The following ATP8B4 variants were observed in gnomAD, a reference collection of about 807,000 sequenced individuals.
ATP8B4 encodes the protein ATPase phospholipid transporting 8B4 (putative).
ATP8B4 carries 133 observed loss-of-function variants against 145.6 expected under a neutral mutation model. The observed-to-expected ratio is 0.91, with a 90% CI of 0.79 to 1.05. ATP8B4 has a LOEUF of 1.05. Ranked by LOEUF, ATP8B4 falls within the 50% of genes least tolerant of loss-of-function variation. The pLI, the probability that ATP8B4 is intolerant of heterozygous loss-of-function variation, is 0.00. For synonymous variants in ATP8B4, 507 were observed against 492.9 expected (o/e 1.03, Z -0.38); for missense variants, 1,458 against 1,425.2 (o/e 1.02, Z -0.37).
At chr15:49,868,523 G>C (rs938351372) in intron 25 of ATP8B4, among the ~76,000 whole-genome samples, 1 of 152,142 alleles carries the variant, frequency 6.6e-6, no homozygotes, top group Non-Finnish European at 1.5e-5. Flanking sequence ...AATGATTCTT[G>C]TAAATAGTTA....
intron 3 of ATP8B4, among the ~76,000 whole-genome samples, chr15:50,073,094 T>C (rs1300462195): frequency 2.0e-5 from 3 of 148,416 alleles, no homozygotes; most frequent in Admixed American, 1.3e-4. Flanking sequence ...TGTATATATA[T>C]GTGTGTGTGT....
chr15:50,071,387 T>C (rs904638218), intron 3 of ATP8B4, among the ~76,000 whole-genome samples: 9 of 152,202 alleles, frequency 5.9e-5, no homozygotes, highest in Admixed American at 5.9e-4. Context: ...GAAAAGAGCG[T>C]ATCACTTTAC....
intron 2 of ATP8B4, among the ~76,000 whole-genome samples, chr15:50,079,794 T>C (rs2054425532): frequency 6.6e-6 from 1 of 152,238 alleles, no homozygotes; most frequent in Non-Finnish European, 1.5e-5. Flanking sequence ...CTAATCATTC[T>C]TATTTCTATC....
chr15:49,962,676 T>C (rs1172977533), intron 13 of ATP8B4, among the ~76,000 whole-genome samples: 6 of 152,226 alleles, frequency 3.9e-5, no homozygotes, highest in Admixed American at 3.9e-4. Context: ...AATGATTTTA[T>C]TGTGTATTTT....
rs538126508 is a variant in ATP8B4, at chr15:50,088,885, A to T, written c.29-14700T>A. On this transcript the variant is annotated intron_variant, in intron 2 of 27. Coordinates refer to ENST00000284509, the MANE Select transcript of ATP8B4 (RefSeq NM_024837.4). ...GAATGGATAGATAAATCAATAAGTG[A>T]ATGAATGGTTTCTCAAAGATCAGAT... Among the ~76,000 whole-genome samples the T allele has an allele frequency of 2.6e-5, 4 of 152,304 alleles. No individual in the cohort carries two copies. In the East Asian group the frequency reaches 5.8e-4, roughly 22 times the overall value.
At chr15:50,060,797 C>T (rs148735104) in intron 3 of ATP8B4, among the ~76,000 whole-genome samples, 11 of 152,044 alleles carry the variant, frequency 7.2e-5, no homozygotes, top group South Asian at 4.2e-4. Context: ...TGGTGGGGCC[C>T]GAGAGTCTGC....
At chr15:50,113,103 G>A (rs938665931) in intron 1 of ATP8B4, 2 of 152,502 alleles carry the variant, frequency 1.3e-5, no homozygotes, top group Non-Finnish European at 2.9e-5. Flanking sequence ...AGAGCCTGAA[G>A]AGCAAAGCCT....
At chr15:50,075,173 G>A (rs933787309) in intron 2 of ATP8B4, among the ~76,000 whole-genome samples, 2 of 152,110 alleles carry the variant, frequency 1.3e-5, no homozygotes, top group Non-Finnish European at 2.9e-5. Context: ...CTGGATGGTG[G>A]AAAGTAACTT....
rs750570229 is a variant in ATP8B4 at position 49,897,264 on chromosome 15, A to C, written c.2697+28T>G. ...ATCATACAAAAACAAACAAACAAACAAACAAAAAAAAACATGCTTTTACCA... is the reference window on the plus strand; with the variant it reads ...ATCATACAAAAACAAACAAACAAACCAACAAAAAAAAACATGCTTTTACCA... On this transcript the variant is annotated intron_variant, in intron 23 of 27. Transcript: ENST00000284509. The C allele has an allele frequency of 1.9e-6, 3 of 1,555,734 alleles. No individual in the cohort carries two copies. The African/African-American group carries it at 4.1e-5, about 21-fold the overall frequency.
intron 15 of ATP8B4, among the ~76,000 whole-genome samples, chr15:49,932,796 CA>C: frequency 6.6e-6 from 1 of 152,124 alleles, no homozygotes; most frequent in South Asian, 2.1e-4. Flanking sequence ...GATGGCCTCT[CA>C]AAACTGGGTC....
chr15:50,037,648 C>T (rs760354319), intron 6 of ATP8B4, among the ~76,000 whole-genome samples: 1 of 152,168 alleles, frequency 6.6e-6, no homozygotes, highest in Admixed American at 6.5e-5. Flanking sequence ...CATATTGTGG[C>T]GGCAATGATT....
At chr15:49,972,039 G>A (rs144487145) in intron 13 of ATP8B4, among the ~76,000 whole-genome samples, 4 of 152,162 alleles carry the variant, frequency 2.6e-5, no homozygotes, top group East Asian at 1.9e-4. Flanking sequence ...ACCAAACACC[G>A]CATATTCTCA....
At chr15:50,044,125 T>A (rs143630055) in intron 5 of ATP8B4, among the ~76,000 whole-genome samples, 127 of 152,318 alleles carry the variant, frequency 8.3e-4, no homozygotes, top group African/African-American at 3.0e-3. Flanking sequence ...TACAGGGAGT[T>A]GGTGTCCCTA....
intron 14 of ATP8B4, among the ~76,000 whole-genome samples, chr15:49,947,176 T>C (rs2042637706): frequency 6.6e-6 from 1 of 152,120 alleles, no homozygotes; most frequent in Non-Finnish European, 1.5e-5. Context: ...CTCATGCTTG[T>C]AATCCCAGCA....
chr15:50,030,143 A>G (rs1295971460), intron 6 of ATP8B4, among the ~76,000 whole-genome samples: 3 of 152,094 alleles, frequency 2.0e-5, no homozygotes, highest in Non-Finnish European at 4.4e-5. Context: ...TTTTAAAATT[A>G]ATGTTCTAAC....
rs545652459 is a variant in ATP8B4 at position 50,165,566 on chromosome 15, T to A, written c.-43+16695A>T. On this transcript the variant is annotated intron_variant, in intron 1 of 3. Transcript: ENST00000558829. The stretch of plus-strand genomic sequence containing the variant: ...ATAAAAAAGTTTTTAAAGGATCTAG[T>A]TGAAAAAGTCAACAACATGTGTGAG... Among the ~76,000 whole-genome samples, 4 of 152,162 alleles carry A rather than the reference T, an allele frequency of 2.6e-5. No homozygotes were observed. The South Asian group carries it at 8.3e-4, about 32-fold the overall frequency.
chr15:50,168,534 G>A (rs772626879), intron 1 of ATP8B4, among the ~76,000 whole-genome samples: 1 of 152,192 alleles, frequency 6.6e-6, no homozygotes, highest in Non-Finnish European at 1.5e-5. Context: ...CTGGGAGCTC[G>A]CTGGGCCCTC....
At chr15:50,115,162 T>C (rs992289222) in intron 1 of ATP8B4, among the ~76,000 whole-genome samples, 1 of 152,090 alleles carries the variant, frequency 6.6e-6, no homozygotes, top group African/African-American at 2.4e-5. Flanking sequence ...CTGGGAAACA[T>C]GGCGAAACCC....
intron 6 of ATP8B4, among the ~76,000 whole-genome samples, chr15:50,011,534 T>C (rs866053598): frequency 8.5e-5 from 13 of 152,162 alleles, no homozygotes; most frequent in Non-Finnish European, 1.6e-4. Context: ...ACAGTCAACC[T>C]ACTGCACTGC....
Sources: gnomAD v4.1 joint callset for allele counts (sites outside exome capture counted in the v4.1 genomes callset) on GRCh38, gnomAD v4.1.1 for gene constraint, MANE v1.5 for transcripts, NCBI Gene and HGNC (gene_info 2026-07-23, HGNC 2026-07-21) for gene names.